The following LCP2 variants were observed in gnomAD, a reference collection of about 807,000 sequenced individuals.
The protein encoded by LCP2 is lymphocyte cytosolic protein 2.
Under a neutral mutation model 74.5 loss-of-function variants are expected in LCP2, and 29 were observed. The observed-to-expected ratio is 0.39, with a 90% CI of 0.29 to 0.53. LCP2 has a LOEUF of 0.53. Ranked by LOEUF, LCP2 falls within the 20% of genes least tolerant of loss-of-function variation. The pLI is 0.72. For synonymous variants in LCP2, 228 were observed against 229.5 expected (o/e 0.99, Z 0.06); for missense variants, 604 against 634.6 (o/e 0.95, Z 0.52).
intron 1 of LCP2, among the ~76,000 whole-genome samples, chr5:170,296,686 G>C (rs1327083835): frequency 6.6e-6 from 1 of 152,196 alleles, no homozygotes; most frequent in Non-Finnish European, 1.5e-5. Flanking sequence ...CTTGAGATCT[G>C]CCCAAGCAGA....
rs772787996 is a variant in LCP2, at chr5:170,252,537, GAATA to G, written c.1246-30_1246-27del. 11 of 1,231,702 alleles carry G rather than the reference GAATA, an allele frequency of 8.9e-6. No individual in the cohort carries two copies. In the East Asian group the frequency reaches 2.7e-4, roughly 30 times the overall value. 76.3% of individuals were successfully genotyped at this position (1,231,702 alleles called of 1,614,324 possible). A position where few individuals can be genotyped will look rare whatever the true frequency, so the allele number is the denominator to read the frequency against. On this transcript the variant is annotated intron_variant, in intron 18 of 20. Transcript: ENST00000046794. Reference sequence around the variant, plus strand: ...CTGAAAATGTAAATTTTTAGAAACTGAATAAATTTTACAGTTACAGATGTAAGTG... The same window carrying G: ...CTGAAAATGTAAATTTTTAGAAACTGAATTTTACAGTTACAGATGTAAGTG...
In LCP2 at chr5:170,247,813, C is replaced by T. The variant is rs1391979632; in HGVS notation, c.*884G>A. Reference sequence around the variant, plus strand: ...GTTGCTCCCTCGTCTTCCCAGGAAGCCTTTGGTAAAATCTATATCCCTGGA... The same window carrying T: ...GTTGCTCCCTCGTCTTCCCAGGAAGTCTTTGGTAAAATCTATATCCCTGGA... On this transcript the variant is annotated 3_prime_UTR_variant, in exon 21 of 21. Transcript: ENST00000046794. The T allele has an allele frequency of 6.6e-6, 1 of 152,138 alleles. No individual in the cohort carries two copies. Among genetic ancestry groups the T allele is most frequent in the Non-Finnish European group, 1.5e-5 (1 of 68,034 alleles). 9.4% of individuals were successfully genotyped at this position (152,138 alleles called of 1,614,324 possible).
At position 170,252,479 on chromosome 5, in the gene LCP2, A is replaced by G; in HGVS notation, c.1278T>C (p.Tyr426=). The G allele has an allele frequency of 6.3e-7, 1 of 1,583,322 alleles. No individual in the cohort carries two copies. Among genetic ancestry groups the G allele is most frequent in the Non-Finnish European group, 8.7e-7 (1 of 1,155,750 alleles). Residue 426 remains tyrosine (Y), a synonymous_variant, in exon 19 of 21, where the codon TAT becomes TAC. Coordinates refer to ENST00000046794, the MANE Select transcript of LCP2 (RefSeq NM_005565.5). ...CAGCTTCTGCCTCTGGTCGGGTAAT[A>G]TAAGAAACGTACCACTCTTCATTTA... ...NSLNEEWYVS[Y]ITRPEAEAAL... is the part of the protein sequence containing the mutation.
chr5:170,293,932 T>C (rs905293509), intron 1 of LCP2, among the ~76,000 whole-genome samples: 7 of 152,370 alleles, frequency 4.6e-5, no homozygotes, highest in South Asian at 4.1e-4. Context: ...ATTTAGATTA[T>C]TTACCAAGCT....
At chr5:170,291,238 G>A (rs796120221) in intron 2 of LCP2, among the ~76,000 whole-genome samples, 2 of 110,588 alleles carry the variant, frequency 1.8e-5, no homozygotes, top group African/African-American at 6.5e-5. Flanking sequence ...AGGAAGGAAG[G>A]AAGGAAGGAA....
intron 3 of LCP2, among the ~76,000 whole-genome samples, chr5:170,280,326 C>T (rs888693543): frequency 4.6e-5 from 7 of 152,090 alleles, no homozygotes; most frequent in African/African-American, 1.7e-4. Context: ...TCTCCTTCTC[C>T]TCCCCACCCC....
chr5:170,270,969 C>T (rs571077146), intron 6 of LCP2, 52 bp from the exon 7 acceptor site: 72 of 1,484,480 alleles, frequency 4.9e-5, no homozygotes, highest in Middle Eastern at 1.7e-4. Context: ...CTGTGGCCCT[C>T]GATGTGCCTG....
At chr5:170,261,389 A>ATG (rs1554139945) in intron 13 of LCP2, among the ~76,000 whole-genome samples, 17,448 of 146,244 alleles carry the variant, frequency 0.12, 1,052 homozygotes, top group African/African-American at 0.14. Context: ...GCAAATAATT[A>ATG]TGTGTGTGTG....
At chr5:170,250,950 G>A (rs947643046) in intron 19 of LCP2, 65 bp from the exon 20 acceptor site, 3 of 1,339,766 alleles carry the variant, frequency 2.2e-6, no homozygotes, top group African/African-American at 2.9e-5. Flanking sequence ...GCTTGTAAGA[G>A]TAGTAGACAA....
chr5:170,252,248 G>A (rs559841458), intron 19 of LCP2, 186 bp downstream of exon 19: 40 of 403,036 alleles, frequency 9.9e-5, no homozygotes, highest in Admixed American at 5.5e-4. Context: ...AATGATTCCC[G>A]AGCCTAGGAA....
At chr5:170,262,765 G>C in intron 12 of LCP2, 23 bp from the exon 13 acceptor site, 1 of 1,613,156 alleles carries the variant, frequency 6.2e-7, no homozygotes, top group Non-Finnish European at 8.5e-7. Flanking sequence ...GGAAAAGGAT[G>C]TGTAAGAAAC....
chr5:170,275,533 C>A, intron 4 of LCP2, 182 bp from the exon 5 acceptor site: 1 of 693,508 alleles, frequency 1.4e-6, no homozygotes, highest in Non-Finnish European at 2.4e-6. Context: ...CTGGAAATCA[C>A]CAAGCCACAT....
At chr5:170,277,458 G>T (rs34027359) in intron 3 of LCP2, among the ~76,000 whole-genome samples, 58,499 of 151,920 alleles carry the variant, frequency 0.39, 11,898 homozygotes, top group Middle Eastern at 0.53. Flanking sequence ...CCCAAGATAT[G>T]GGCTCCAGGC....
intron 10 of LCP2, among the ~76,000 whole-genome samples, chr5:170,265,181 G>T (rs917507474): frequency 6.6e-6 from 1 of 151,842 alleles, no homozygotes; most frequent in African/African-American, 2.4e-5. Context: ...TAGAGACGGG[G>T]TTTCACCGTG....
rs950443175 is a variant in LCP2, at chr5:170,248,597, G to A, written c.*100C>T. 7.8e-7 allele frequency: 1 copy of A among 1,289,070 alleles called. No individual in the cohort carries two copies. The highest frequency in any genetic ancestry group is 2.4e-5 in the East Asian group (1 of 41,608). 79.9% of individuals were successfully genotyped at this position (1,289,070 alleles called of 1,614,324 possible). A position where few individuals can be genotyped will look rare whatever the true frequency, so the allele number is the denominator to read the frequency against. On this transcript the variant is annotated 3_prime_UTR_variant, in exon 21 of 21. Transcript: ENST00000046794. Reference sequence around the variant, plus strand: ...AAAACCCTTGTGTTCATGGGGAGGGGTTCAGTTCAGTCCTAAGTGTTTGTC... The same window carrying A: ...AAAACCCTTGTGTTCATGGGGAGGGATTCAGTTCAGTCCTAAGTGTTTGTC...
intron 3 of LCP2, among the ~76,000 whole-genome samples, chr5:170,276,391 C>T (rs1309929294): frequency 6.6e-6 from 1 of 152,148 alleles, no homozygotes; most frequent in Non-Finnish European, 1.5e-5. Flanking sequence ...CTGCCTTCTC[C>T]TTCCATCTTC....
intron 3 of LCP2, among the ~76,000 whole-genome samples, chr5:170,284,986 G>C (rs531519091): frequency 6.6e-6 from 1 of 152,100 alleles, no homozygotes; most frequent in African/African-American, 2.4e-5. Flanking sequence ...CCTGAACTCA[G>C]GTGATCCACC....
At chr5:170,288,707 A>G (rs970470211) in intron 2 of LCP2, among the ~76,000 whole-genome samples, 14 of 152,208 alleles carry the variant, frequency 9.2e-5, no homozygotes, top group Admixed American at 5.9e-4. Context: ...AGGCTCAGGG[A>G]TATCAAGGGG....
intron 10 of LCP2, among the ~76,000 whole-genome samples, chr5:170,264,905 C>A (rs1320115797): frequency 1.3e-5 from 2 of 151,462 alleles, no homozygotes; most frequent in South Asian, 2.1e-4. Flanking sequence ...TGGGGTGGAA[C>A]CTCTACTTTA....
Sources: gnomAD v4.1 joint callset for allele counts (sites outside exome capture counted in the v4.1 genomes callset) on GRCh38, gnomAD v4.1.1 for gene constraint, MANE v1.5 for transcripts, NCBI Gene and HGNC (gene_info 2026-07-23, HGNC 2026-07-21) for gene names.